TAFA2: variants seen among roughly 807,000 people sequenced by gnomAD.
TAFA2 encodes chemokine-like protein TAFA-2.
Under a neutral mutation model 18.8 loss-of-function variants are expected in TAFA2, and 7 were observed. The observed-to-expected ratio is 0.37, with a 90% CI of 0.21 to 0.70. The LOEUF is 0.70. Among genes scored for constraint, TAFA2 ranks in the 30% least tolerant of loss-of-function variants. The pLI, the probability that TAFA2 is intolerant of heterozygous loss-of-function variation, is 0.53. For synonymous variants in TAFA2, 60 were observed against 54.2 expected, an observed-to-expected ratio of 1.11 and a Z score of -0.47; for missense variants, 122 against 158.1, an observed-to-expected ratio of 0.77 and a Z score of 1.23.
chr12:62,218,057 G>A (rs1046403003), intron 1 of TAFA2, among the ~76,000 whole-genome samples: 7 of 151,528 alleles, frequency 4.6e-5, no homozygotes, highest in Non-Finnish European at 8.8e-5. Context: ...CTGCAGTGAT[G>A]CGATCATAGC....
rs902988005 is a variant in TAFA2 at position 61,738,290 on chromosome 12, A to C, written c.384+15332T>G. 2.4e-5 allele frequency among the ~76,000 whole-genome samples: 3 copies of C among 124,526 alleles called. No individual in the cohort carries two copies. In the East Asian group the frequency reaches 7.2e-4, roughly 30 times the overall value. The allele number at this position is 124,526 out of a possible 152,430, so 81.7% of individuals were successfully genotyped here. On this transcript the variant is annotated intron_variant, in intron 4 of 4. Transcript: ENST00000416284. ...TACAAAAACTTAAAATGAAAATGAA[A>C]ACACACACACACACACACACACACA... is the stretch of plus-strand genomic sequence containing the variant.
chr12:61,835,943 T>C (rs1872901836), intron 2 of TAFA2, among the ~76,000 whole-genome samples: 1 of 151,898 alleles, frequency 6.6e-6, no homozygotes, highest in African/African-American at 2.4e-5. Context: ...AATTACACAA[T>C]TGCCCTTATC....
chr12:61,794,784 G>T (rs2120938625), intron 2 of TAFA2, among the ~76,000 whole-genome samples: 1 of 152,104 alleles, frequency 6.6e-6, no homozygotes, highest in Non-Finnish European at 1.5e-5. Flanking sequence ...CCATCAGAGT[G>T]AACAGGCAAC....
At chr12:61,795,901 C>G (rs904205566) in intron 2 of TAFA2, among the ~76,000 whole-genome samples, 1 of 150,644 alleles carries the variant, frequency 6.6e-6, no homozygotes, top group Admixed American at 6.6e-5. Context: ...TAAATAGATC[C>G]ACACATATAT....
chr12:61,726,370 G>A (rs1870166820), intron 4 of TAFA2, among the ~76,000 whole-genome samples: 1 of 152,060 alleles, frequency 6.6e-6, no homozygotes, highest in Non-Finnish European at 1.5e-5. Flanking sequence ...CCATGAGCAT[G>A]AGATGAGTTT....
intron 1 of TAFA2, among the ~76,000 whole-genome samples, chr12:61,936,687 C>A (rs6581435): frequency 0.089 from 13,475 of 152,108 alleles, 1,971 homozygotes; most frequent in African/African-American, 0.3. Context: ...TATAAAAGCC[C>A]TATATGAAAA....
At chr12:61,760,365 A>ATATATATATATATATATATATATATAT (rs1869483548) in intron 2 of TAFA2, among the ~76,000 whole-genome samples, 5 of 122,180 alleles carry the variant, frequency 4.1e-5, no homozygotes, top group South Asian at 2.8e-4. Flanking sequence ...AAAATATCAA[A>ATATATATATATATATATATATATATAT]ATATATATAT....
intron 4 of TAFA2, among the ~76,000 whole-genome samples, chr12:61,727,933 C>T (rs1314076194): frequency 6.6e-6 from 1 of 151,326 alleles, no homozygotes; most frequent in Non-Finnish European, 1.5e-5. Context: ...TCAGTTCAAA[C>T]AATTTTTAAA....
chr12:62,022,960 G>A (rs9669003), intron 1 of TAFA2, among the ~76,000 whole-genome samples: 52,728 of 151,996 alleles, frequency 0.35, 9,551 homozygotes, highest in Non-Finnish European at 0.39. Context: ...CTCTGCCTAG[G>A]ATTATACTGT....
chr12:61,831,521 A>G (rs907678331), intron 2 of TAFA2, among the ~76,000 whole-genome samples: 1 of 152,070 alleles, frequency 6.6e-6, no homozygotes, highest in Non-Finnish European at 1.5e-5. Context: ...CCCTAAGCAC[A>G]GTGGGTTCTA....
intron 1 of TAFA2, among the ~76,000 whole-genome samples, chr12:62,159,992 C>A (rs1188797760): frequency 6.6e-6 from 1 of 151,946 alleles, no homozygotes; most frequent in African/African-American, 2.4e-5. Flanking sequence ...TGTATTTTAG[C>A]TTCTCCTCTC....
intron 1 of TAFA2, among the ~76,000 whole-genome samples, chr12:61,927,951 T>G (rs1217249378): frequency 2.6e-5 from 4 of 152,216 alleles, no homozygotes; most frequent in Admixed American, 2.6e-4. Flanking sequence ...GAAAACTGGC[T>G]AGCCATATGC....
intron 2 of TAFA2, among the ~76,000 whole-genome samples, chr12:61,821,007 G>C (rs1488037615): frequency 6.6e-6 from 1 of 151,798 alleles, no homozygotes; most frequent in Admixed American, 6.6e-5. Flanking sequence ...CCTAATTGTT[G>C]GTGGGAGTGG....
At chr12:62,032,972 A>G (rs1240495814) in intron 1 of TAFA2, among the ~76,000 whole-genome samples, 1 of 152,174 alleles carries the variant, frequency 6.6e-6, no homozygotes, top group African/African-American at 2.4e-5. Flanking sequence ...CCAAGAGTAA[A>G]TAAAAATTTT....
At chr12:61,717,954 TA>T (rs1455237602) in intron 4 of TAFA2, among the ~76,000 whole-genome samples, 1 of 152,208 alleles carries the variant, frequency 6.6e-6, no homozygotes, top group Non-Finnish European at 1.5e-5. Context: ...CTCCAACTAC[TA>T]TGACCTTTCT....
chr12:61,913,001 GA>G (rs1337411229), intron 1 of TAFA2, among the ~76,000 whole-genome samples: 40 of 152,242 alleles, frequency 2.6e-4, no homozygotes, highest in Non-Finnish European at 1.3e-4. Context: ...AAACCATAAG[GA>G]GTAGTAATGA....
chr12:61,958,289 T>C (rs1469972796), intron 1 of TAFA2, among the ~76,000 whole-genome samples: 2 of 152,128 alleles, frequency 1.3e-5, no homozygotes, highest in African/African-American at 4.8e-5. Flanking sequence ...GGATATACCC[T>C]AGTGCCTTCT....
chr12:61,718,977 C>T (rs912267122), intron 4 of TAFA2, among the ~76,000 whole-genome samples: 1 of 152,138 alleles, frequency 6.6e-6, no homozygotes, highest in African/African-American at 2.4e-5. Flanking sequence ...TTTCTATTAA[C>T]TTCTTTGTTG....
intron 1 of TAFA2, among the ~76,000 whole-genome samples, chr12:62,020,251 G>A (rs1248650073): frequency 2.0e-5 from 3 of 152,124 alleles, no homozygotes; most frequent in Non-Finnish European, 4.4e-5. Flanking sequence ...AAAATACAAC[G>A]TGAAAACTGC....
Sources: allele counts gnomAD v4.1 joint callset (sites outside exome capture counted in the v4.1 genomes callset), GRCh38; gene constraint gnomAD v4.1.1; transcripts MANE v1.5; gene names NCBI Gene and HGNC (gene_info 2026-07-23, HGNC 2026-07-21).